TASP1: variants seen among roughly 807,000 people sequenced by gnomAD.
TASP1 encodes threonine aspartase 1.
Under a neutral mutation model 56.6 loss-of-function variants are expected in TASP1, and 16 were observed. The observed-to-expected ratio is 0.28, with a 90% CI of 0.19 to 0.43. The LOEUF is 0.43. Ranked by LOEUF, TASP1 falls within the 20% of genes least tolerant of loss-of-function variation. The pLI, the probability that TASP1 is intolerant of heterozygous loss-of-function variation, is 1.00. For synonymous variants in TASP1, 179 were observed against 184.2 expected, an observed-to-expected ratio of 0.97 and a Z score of 0.23; for missense variants, 393 against 511.6, an observed-to-expected ratio of 0.77 and a Z score of 2.24.
the TASP1 span, among the ~76,000 whole-genome samples, chr20:13,159,332 C>G: frequency 6.6e-6 from 1 of 152,172 alleles, no homozygotes; most frequent in Non-Finnish European, 1.5e-5. Flanking sequence ...CTCTTAAACT[C>G]AGTTGCTGAG....
intron 11 of TASP1, among the ~76,000 whole-genome samples, chr20:13,448,940 A>C (rs149330504): frequency 7.2e-5 from 11 of 152,234 alleles, no homozygotes; most frequent in African/African-American, 2.2e-4. Flanking sequence ...GTTGTCTTCG[A>C]GTGAGGTAAA....
chr20:13,284,784 C>T, the TASP1 span, among the ~76,000 whole-genome samples: 9 of 152,122 alleles, frequency 5.9e-5, no homozygotes, highest in Admixed American at 1.3e-4. Context: ...AGCCACATGG[C>T]GAGTTCTATG....
rs556975700 is a variant in TASP1, at chr20:13,620,375, A to G, written c.282+3071T>C. Among the ~76,000 whole-genome samples, 12 of 151,670 alleles carry G rather than the reference A, an allele frequency of 7.9e-5. No homozygotes were observed. In the South Asian group the frequency reaches 2.5e-3, roughly 31 times the overall value. On this transcript the variant is annotated intron_variant, in intron 4 of 13. Coordinates refer to ENST00000337743, the MANE Select transcript of TASP1 (RefSeq NM_017714.3). ...TGGAGTTAAGAACGGTGTACTTTTC[A>G]CTATTTGGGAAAATACAAATTATCA...
chr20:13,226,297 G>C, the TASP1 span, among the ~76,000 whole-genome samples: 5 of 152,166 alleles, frequency 3.3e-5, no homozygotes, highest in African/African-American at 1.2e-4. Context: ...ACTTATAGCA[G>C]TAGAAGCAAA....
intron 12 of TASP1, among the ~76,000 whole-genome samples, chr20:13,421,410 A>G (rs2042430084): frequency 1.3e-5 from 2 of 152,050 alleles, no homozygotes; most frequent in Non-Finnish European, 2.9e-5. Context: ...TTGGAGAAAA[A>G]TGAAAGTCAA....
chr20:13,598,413 A>G (rs150666937), intron 4 of TASP1, among the ~76,000 whole-genome samples: 4,896 of 152,292 alleles, frequency 0.032, 225 homozygotes, highest in African/African-American at 0.096. Flanking sequence ...GACAAAACTG[A>G]CAAAAACAAG....
intron 5 of TASP1, among the ~76,000 whole-genome samples, chr20:13,585,045 A>G (rs1312129816): frequency 6.6e-6 from 1 of 152,212 alleles, no homozygotes; most frequent in Non-Finnish European, 1.5e-5. Flanking sequence ...GAAAGCAGCC[A>G]TAACAGGGTA....
At chr20:13,169,906 G>T in the TASP1 span, among the ~76,000 whole-genome samples, 1 of 152,032 alleles carries the variant, frequency 6.6e-6, no homozygotes, top group African/African-American at 2.4e-5. Context: ...TAAAAGGAAG[G>T]GGTGTCTTAA....
intron 4 of TASP1, among the ~76,000 whole-genome samples, chr20:13,594,046 C>T (rs986821835): frequency 3.9e-5 from 6 of 152,202 alleles, no homozygotes; most frequent in African/African-American, 1.4e-4. Flanking sequence ...GCAATATTTG[C>T]TGTTCTGCAG....
intron 10 of TASP1, among the ~76,000 whole-genome samples, chr20:13,506,576 G>A (rs2044140245): frequency 6.6e-6 from 1 of 152,028 alleles, no homozygotes; most frequent in Admixed American, 6.6e-5. Context: ...CAGAATGTAA[G>A]GATGGCTCCC....
the TASP1 span, among the ~76,000 whole-genome samples, chr20:13,112,541 A>C: frequency 6.6e-6 from 1 of 152,176 alleles, no homozygotes; most frequent in Non-Finnish European, 1.5e-5. Context: ...TGTATGTATA[A>C]GGATGGGAAG....
chr20:13,627,908 A>C (rs148759872), intron 2 of TASP1, among the ~76,000 whole-genome samples: 1 of 152,206 alleles, frequency 6.6e-6, no homozygotes, highest in East Asian at 1.9e-4. Flanking sequence ...CCCTTCTCAC[A>C]AAGTAAAAAG....
At chr20:13,559,162 T>A in intron 7 of TASP1, 48 bp from the exon 8 acceptor site, 1 of 1,205,602 alleles carries the variant, frequency 8.3e-7, no homozygotes, top group Non-Finnish European at 1.1e-6. Context: ...TAAGAAATAT[T>A]AGGGCAATGG....
chr20:13,112,920 T>C, the TASP1 span, among the ~76,000 whole-genome samples: 4 of 152,208 alleles, frequency 2.6e-5, no homozygotes, highest in African/African-American at 9.6e-5. Flanking sequence ...CAGTGGCTCA[T>C]GCCTGTAATC....
intron 11 of TASP1, among the ~76,000 whole-genome samples, chr20:13,443,418 A>G (rs778187978): frequency 6.6e-6 from 1 of 152,252 alleles, no homozygotes; most frequent in Non-Finnish European, 1.5e-5. Flanking sequence ...ACAATCTTAA[A>G]TTCCATTAAC....
At chr20:13,305,903 T>C in the TASP1 span, among the ~76,000 whole-genome samples, 2 of 152,226 alleles carry the variant, frequency 1.3e-5, no homozygotes, top group Non-Finnish European at 2.9e-5. Context: ...TTGCCTGTAA[T>C]GGCAAAAATA....
chr20:13,440,646 G>C (rs1287950023), intron 11 of TASP1, among the ~76,000 whole-genome samples: 5 of 149,396 alleles, frequency 3.3e-5, no homozygotes, highest in Admixed American at 1.3e-4. Context: ...TGAATAGCTA[G>C]AGTAAACAAA....
At chr20:13,411,034 T>A (rs1568763360) in intron 13 of TASP1, among the ~76,000 whole-genome samples, 1 of 152,200 alleles carries the variant, frequency 6.6e-6, no homozygotes, top group Non-Finnish European at 1.5e-5. Context: ...TTCAGTTTCA[T>A]TCTTCTGCAT....
the TASP1 span, among the ~76,000 whole-genome samples, chr20:13,222,274 CTGAG>C: frequency 3.3e-5 from 5 of 152,236 alleles, no homozygotes; most frequent in African/African-American, 1.2e-4. Flanking sequence ...CCTTCGGAGG[CTGAG>C]TAATGTTACT....
Sources: gnomAD v4.1 joint callset for allele counts (sites outside exome capture counted in the v4.1 genomes callset) on GRCh38, gnomAD v4.1.1 for gene constraint, MANE v1.5 for transcripts, NCBI Gene and HGNC (gene_info 2026-07-23, HGNC 2026-07-21) for gene names.